HIF1A: variants seen among roughly 807,000 people sequenced by gnomAD.
HIF1A encodes hypoxia inducible factor 1 subunit alpha, also known as hypoxia-inducible factor 1-alpha.
Under a neutral mutation model 92.7 loss-of-function variants are expected in HIF1A, and 24 were observed. That is an observed-to-expected ratio of 0.26 (90% confidence interval 0.19 to 0.36). The LOEUF (loss-of-function observed/expected upper bound fraction) is 0.36, where lower values mean the gene tolerates loss of function less well. HIF1A is among the 10% of genes least tolerant of loss of function. The pLI, the probability that HIF1A is intolerant of heterozygous loss-of-function variation, is 1.00. For synonymous variants in HIF1A, 319 were observed against 338.7 expected, an observed-to-expected ratio of 0.94 and a Z score of 0.64; for missense variants, 799 against 998.5, an observed-to-expected ratio of 0.80 and a Z score of 2.69.
Position 61,732,536 on chromosome 14 carries a change from G to A in HIF1A, c.880+12G>A. ...AACTCATCATGATAGTAAGTACAAT[G>A]GAAGAACTCAGAGATATTCTAATTA... is the stretch of plus-strand genomic sequence containing the variant. On this transcript the variant is annotated intron_variant, in intron 7 of 14. Coordinates refer to ENST00000337138, the MANE Select transcript of HIF1A (RefSeq NM_001530.4). The A allele has an allele frequency of 6.9e-7, 1 of 1,444,678 alleles. No homozygotes were observed. Among genetic ancestry groups the A allele is most frequent in the South Asian group, 1.1e-5 (1 of 87,202 alleles). 89.5% of individuals were successfully genotyped at this position (1,444,678 alleles called of 1,614,324 possible).
At chr14:61,731,253 A>G (rs1053247681) in intron 6 of HIF1A, among the ~76,000 whole-genome samples, 16 of 152,158 alleles carry the variant, frequency 1.1e-4, no homozygotes, top group Non-Finnish European at 1.5e-5. Flanking sequence ...CTGAGAATCT[A>G]AAAGCTTAAC....
chr14:61,747,028 C>T lies in HIF1A; in HGVS notation c.2424C>T (p.Gly808=), dbSNP rs140173615. The T allele has an allele frequency of 2.9e-5, 46 of 1,613,574 alleles. No individual in the cohort carries two copies. The highest frequency in any genetic ancestry group is 5.3e-5 in the African/African-American group (4 of 75,056). ...YDCEVNAPIQ[G]SRNLLQGEEL... is the part of the protein sequence containing the mutation. ...GTGAAGTTAATGCTCCTATACAAGG[C>T]AGCAGAAACCTACTGCAGGGTGAAG... The change falls in exon 15 of 15, where the codon GGC becomes GGT. Residue 808 remains glycine, a synonymous_variant. Coordinates refer to ENST00000337138, the MANE Select transcript of HIF1A (RefSeq NM_001530.4).
intron 14 of HIF1A, among the ~76,000 whole-genome samples, chr14:61,746,400 T>C (rs1383573920): frequency 1.0e-4 from 15 of 144,824 alleles, no homozygotes; most frequent in Non-Finnish European, 2.0e-4. Context: ...TTCTTTTTTT[T>C]TTTTTTTTTT....
At chr14:61,738,011 A>C in intron 9 of HIF1A, 76 bp from the exon 10 acceptor site, 2 of 1,246,186 alleles carry the variant, frequency 1.6e-6, no homozygotes, top group East Asian at 4.9e-5. Context: ...TGGGCAACAG[A>C]GCAAGACTCT....
intron 1 of HIF1A, chr14:61,698,941 C>G (rs1483448864): frequency 6.6e-6 from 1 of 152,162 alleles, no homozygotes; most frequent in African/African-American, 2.4e-5. Context: ...ATTCTTAGTA[C>G]TGGCAGTAAG....
chr14:61,715,676 A>G (rs1264382351), intron 1 of HIF1A: 7 of 152,000 alleles, frequency 4.6e-5, no homozygotes, highest in Non-Finnish European at 7.4e-5. Context: ...TGTTATTAGT[A>G]AGCACCATGC....
At chr14:61,718,776 A>G (rs528540653) in intron 1 of HIF1A, among the ~76,000 whole-genome samples, 47 of 152,144 alleles carry the variant, frequency 3.1e-4, no homozygotes, top group Admixed American at 5.2e-4. Context: ...TTTAAGTGAT[A>G]ATAGTTTCTT....
chr14:61,695,613 G>C lies in HIF1A; in HGVS notation c.-192G>C. 1.6e-6 allele frequency: 1 copy of C among 623,492 alleles called. No individual in the cohort carries two copies. The highest frequency in any genetic ancestry group is 2.8e-6 in the Non-Finnish European group (1 of 358,324). 38.6% of individuals were successfully genotyped at this position (623,492 alleles called of 1,614,324 possible). A position where few individuals can be genotyped will look rare whatever the true frequency, so the allele number is the denominator to read the frequency against. The stretch of plus-strand genomic sequence containing the variant: ...GCCCTGACAAGCCACCTGAGGAGAG[G>C]CTCGGAGCCGGGCCCGGACCCCGGC... On this transcript the variant is annotated 5_prime_UTR_variant, in exon 1 of 15. Transcript: ENST00000337138.
intron 1 of HIF1A, among the ~76,000 whole-genome samples, 165 bp downstream of exon 1, chr14:61,696,004 G>A (rs971993160): frequency 2.0e-5 from 3 of 152,218 alleles, no homozygotes; most frequent in Non-Finnish European, 4.4e-5. Flanking sequence ...CGCCGGCCGG[G>A]CTCCCCCGCT....
intron 4 of HIF1A, among the ~76,000 whole-genome samples, chr14:61,724,349 T>TCTCTCTCTCTCTCTCTCTCTC (rs1555338397): frequency 2.4e-4 from 23 of 96,110 alleles, no homozygotes; most frequent in Non-Finnish European, 4.0e-4. Flanking sequence ...CACACACACA[T>TCTCTCTCTCTCTCTCTCTCTC]TCTCTCTCTC....
chr14:61,695,899 C>T (rs1353492029), intron 1 of HIF1A, 60 bp downstream of exon 1: 1 of 1,469,864 alleles, frequency 6.8e-7, no homozygotes, highest in Non-Finnish European at 9.3e-7. Context: ...GCCTGCCCGC[C>T]CTGGGCTCCT....
In HIF1A at chr14:61,734,205, G is replaced by C; in HGVS notation, c.948G>C (p.Trp316Cys). The C allele has an allele frequency of 6.2e-7, 1 of 1,612,548 alleles. No individual in the cohort carries two copies. Among genetic ancestry groups the C allele is most frequent in the Non-Finnish European group, 8.5e-7 (1 of 1,178,722 alleles). Residue 316 changes from tryptophan to cysteine, a missense_variant, in exon 8 of 15, where the codon TGG becomes TGC. By Grantham distance (215) the Trp-to-Cys change is radical. Transcript: ENST00000337138. ...RMLAKRGGYVWVETQATVIYN... is the reference protein window; with the variant it reads ...RMLAKRGGYVCVETQATVIYN... Reference sequence around the variant, plus strand: ...TTGCCAAAAGAGGTGGATATGTCTGGGTTGAAACTCAAGCAACTGTCATAT... The same window carrying C: ...TTGCCAAAAGAGGTGGATATGTCTGCGTTGAAACTCAAGCAACTGTCATAT...
At chr14:61,724,063 A>G (rs1455478709) in intron 4 of HIF1A, among the ~76,000 whole-genome samples, 1 of 146,484 alleles carries the variant, frequency 6.8e-6, no homozygotes, top group Non-Finnish European at 1.5e-5. Context: ...ACAAAATATG[A>G]CTTATTTTTA....
At chr14:61,725,561 T>C (rs1247715497) in intron 4 of HIF1A, among the ~76,000 whole-genome samples, 1 of 151,456 alleles carries the variant, frequency 6.6e-6, no homozygotes, top group African/African-American at 2.4e-5. Context: ...ATTATAGGCA[T>C]GTGCCACCAC....
intron 1 of HIF1A, 102 bp downstream of exon 1, chr14:61,695,941 G>C (rs2044108775): frequency 9.0e-7 from 1 of 1,110,828 alleles, no homozygotes; most frequent in Admixed American, 2.3e-5. Flanking sequence ...GGATTGGGGG[G>C]GGCAGCCTTT....
chr14:61,740,957 C>G lies in HIF1A; in HGVS notation c.1862C>G (p.Thr621Ser). ...AATGCCACCACTACCACTGCCACCA[C>G]TGATGAATTAAAAACAGTGACAAAA... is the stretch of plus-strand genomic sequence containing the variant. ...TANATTTTAT[T>S]DELKTVTKDR... Residue 621 changes from threonine to serine, a missense_variant, in exon 12 of 15, where the codon ACT becomes AGT. By Grantham distance (58) the Thr-to-Ser change is moderately conservative. Around this residue, in one of 2 missense-constraint regions of HIF1A, gnomAD observed 283 missense variants for 277.5 expected, o/e 1.02. Coordinates refer to ENST00000337138, the MANE Select transcript of HIF1A (RefSeq NM_001530.4). 1 of 1,614,080 alleles carries G rather than the reference C, an allele frequency of 6.2e-7. No individual in the cohort carries two copies. Among genetic ancestry groups the G allele is most frequent in the Non-Finnish European group, 8.5e-7 (1 of 1,179,932 alleles).
At position 61,720,427 on chromosome 14, in the gene HIF1A, A is replaced by G; in HGVS notation, c.81A>G (p.Arg27=). The G allele has an allele frequency of 1.2e-6, 2 of 1,613,278 alleles. No individual in the cohort carries two copies. The highest frequency in any genetic ancestry group is 3.3e-5 in the Admixed American group (2 of 59,798). Residue 27 remains arginine, a synonymous_variant, in exon 2 of 15, where the codon AGA becomes AGG. Transcript: ENST00000337138. Reference sequence around the variant, plus strand: ...AAGAAAAGTCTCGAGATGCAGCCAGATCTCGGCGAAGTAAAGAATCTGAAG... The same window carrying G: ...AAGAAAAGTCTCGAGATGCAGCCAGGTCTCGGCGAAGTAAAGAATCTGAAG... ...RRKEKSRDAA[R]SRRSKESEVF... is the part of the protein sequence containing the mutation.
At chr14:61,730,659 A>G (rs1363402331) in intron 6 of HIF1A, among the ~76,000 whole-genome samples, 2 of 152,168 alleles carry the variant, frequency 1.3e-5, no homozygotes, top group Non-Finnish European at 2.9e-5. Context: ...TTGCATGGAT[A>G]GGATTCCATG....
At chr14:61,739,373 C>T (rs1049995518) in intron 10 of HIF1A, among the ~76,000 whole-genome samples, 5 of 152,114 alleles carry the variant, frequency 3.3e-5, no homozygotes, top group Non-Finnish European at 7.4e-5. Context: ...GGGCTTCCTA[C>T]ATCTAAAAAT....
Sources: gnomAD v4.1 joint callset for allele counts (sites outside exome capture counted in the v4.1 genomes callset) on GRCh38, gnomAD v4.1.1 for gene constraint, gnomAD v4.1.1 regional missense constraint, MANE v1.5 for transcripts, NCBI Gene and HGNC (gene_info 2026-07-23, HGNC 2026-07-21) for gene names.